The following PTPRN2 variants were observed in gnomAD, a reference collection of about 807,000 sequenced individuals.
The protein encoded by PTPRN2 is protein tyrosine phosphatase receptor type N2, also known as receptor-type tyrosine-protein phosphatase N2.
In PTPRN2, 74 loss-of-function variants were observed where a neutral mutation model predicts 118.8. That is an observed-to-expected ratio of 0.62 (90% CI 0.52 to 0.76). PTPRN2 has a LOEUF of 0.76. PTPRN2 is among the 30% of genes least tolerant of loss of function. PTPRN2 has a pLI of 0.00. For synonymous variants in PTPRN2, 641 were observed against 608.0 expected, an observed-to-expected ratio of 1.05 and a Z score of -0.80; for missense variants, 1,481 against 1,394.4, an observed-to-expected ratio of 1.06 and a Z score of -0.99.
intron 11 of PTPRN2, among the ~76,000 whole-genome samples, chr7:158,018,416 G>T (rs2128873925): frequency 6.6e-6 from 1 of 152,336 alleles, no homozygotes; most frequent in African/African-American, 2.4e-5. Flanking sequence ...ATAAATCCCT[G>T]TTTGTGACGT....
At chr7:157,745,850 G>C (rs1227901907) in intron 12 of PTPRN2, among the ~76,000 whole-genome samples, 1 of 152,112 alleles carries the variant, frequency 6.6e-6, no homozygotes, top group Non-Finnish European at 1.5e-5. Context: ...CCATCACAAA[G>C]CTCCTTCTCT....
intron 1 of PTPRN2, among the ~76,000 whole-genome samples, chr7:158,521,241 A>G (rs1259471756): frequency 6.6e-6 from 1 of 152,206 alleles, no homozygotes; most frequent in Non-Finnish European, 1.5e-5. Flanking sequence ...ACCTGAGGGT[A>G]TGCAGGGCTG....
chr7:158,306,029 C>T (rs989394143), intron 3 of PTPRN2, among the ~76,000 whole-genome samples: 9 of 152,316 alleles, frequency 5.9e-5, no homozygotes, highest in Middle Eastern at 3.4e-3. Flanking sequence ...ATTGTCACTA[C>T]TTGACCTGTC....
Position 157,994,717 on chromosome 7 carries a change from ACGCCGTGTCCC to A in PTPRN2, c.1723+86570_1723+86580del, listed in dbSNP as rs1563310122. Among the ~76,000 whole-genome samples, 38 of 63,664 alleles carry A rather than the reference ACGCCGTGTCCC, an allele frequency of 6.0e-4. 12 individuals carry two copies. Among genetic ancestry groups the A allele is most frequent in the African/African-American group, 2.4e-3 (31 of 13,022 alleles). The allele number at this position is 63,664 out of a possible 152,430, so 41.8% of individuals were successfully genotyped here. A position where few individuals can be genotyped will look rare whatever the true frequency, so the allele number is the denominator to read the frequency against. ...TTACAGCTCCTTGTTCCTAAAATCA[ACGCCGTGTCCC>A]CAGCTTACAACTCCTTGTTCCTAAA... On this transcript the variant is annotated intron_variant, in intron 11 of 22. Coordinates refer to ENST00000389418, the MANE Select transcript of PTPRN2 (RefSeq NM_002847.5).
chr7:157,907,266 G>A (rs1353098236), intron 11 of PTPRN2, among the ~76,000 whole-genome samples: 10 of 152,190 alleles, frequency 6.6e-5, no homozygotes, highest in Admixed American at 5.9e-4. Flanking sequence ...TGGGCACCAC[G>A]GGAACATTTA....
chr7:158,377,102 CCTG>C (rs1158175642), intron 2 of PTPRN2, among the ~76,000 whole-genome samples: 8 of 31,856 alleles, frequency 2.5e-4, no homozygotes, highest in African/African-American at 1.2e-3. Context: ...TGTCACACGT[CCTG>C]AGAGGGGGGT....
chr7:157,758,852 G>A (rs1018277305), intron 12 of PTPRN2, among the ~76,000 whole-genome samples: 2 of 152,174 alleles, frequency 1.3e-5, no homozygotes, highest in South Asian at 2.1e-4. Flanking sequence ...CTCCCGGATG[G>A]AGCCCTGCCT....
chr7:157,796,262 T>C (rs1224464036), intron 12 of PTPRN2, among the ~76,000 whole-genome samples: 2 of 152,212 alleles, frequency 1.3e-5, no homozygotes, highest in Non-Finnish European at 2.9e-5. Context: ...TCTTTCCCGG[T>C]GAACTTTCCC....
At chr7:158,343,111 G>T (rs753718708) in intron 2 of PTPRN2, among the ~76,000 whole-genome samples, 1 of 152,182 alleles carries the variant, frequency 6.6e-6, no homozygotes, top group African/African-American at 2.4e-5. Flanking sequence ...ACTATTAGCA[G>T]CAGGAAAAGG....
At chr7:158,417,888 CATGGTGT>C in intron 2 of PTPRN2, among the ~76,000 whole-genome samples, 1 of 150,362 alleles carries the variant, frequency 6.7e-6, no homozygotes, top group East Asian at 2.0e-4. Context: ...TGTGTTAAGT[CATGGTGT>C]ACTACATCGA....
rs77306391 is a variant in PTPRN2, at chr7:157,869,958, T to C, written c.1788+28715A>G. ...CTTGATCAGTCTGCTGTTGCTTCGA[T>C]GGGACCCCTTCCGCCTCTCGGTAGC... On this transcript the variant is annotated intron_variant, in intron 12 of 22. Coordinates refer to ENST00000389418, the MANE Select transcript of PTPRN2 (RefSeq NM_002847.5). This position sits in a 1 kb window ranked among gnomAD's most constrained non-coding sequence, Gnocchi z 4.2. 4.8e-4 allele frequency among the ~76,000 whole-genome samples: 73 copies of C among 152,310 alleles called. No individual in the cohort carries two copies. The East Asian group carries it at 0.014, about 29-fold the overall frequency.
intron 1 of PTPRN2, among the ~76,000 whole-genome samples, chr7:158,505,873 C>T (rs972906466): frequency 2.0e-5 from 3 of 152,238 alleles, no homozygotes; most frequent in African/African-American, 7.2e-5. Context: ...CTGCCATAAG[C>T]AGGCATCCAG....
intron 12 of PTPRN2, among the ~76,000 whole-genome samples, chr7:157,703,217 G>A (rs962600898): frequency 3.9e-5 from 6 of 152,302 alleles, no homozygotes; most frequent in East Asian, 3.9e-4. Context: ...ACTCCACTCC[G>A]ATGCCTGGAG....
intron 10 of PTPRN2, among the ~76,000 whole-genome samples, chr7:158,109,787 G>C (rs536598904): frequency 6.6e-6 from 1 of 151,194 alleles, no homozygotes; most frequent in African/African-American, 2.4e-5. Flanking sequence ...AGTGAATGAC[G>C]TTACCCCGGT....
chr7:158,263,926 A>T (rs1797709568), intron 3 of PTPRN2, among the ~76,000 whole-genome samples: 1 of 152,146 alleles, frequency 6.6e-6, no homozygotes, highest in Non-Finnish European at 1.5e-5. Context: ...CACCCGCGTC[A>T]CTCAGCAAAC....
rs371144241 is a variant in PTPRN2 at position 158,447,404 on chromosome 7, T to C, written c.163+42331A>G. On this transcript the variant is annotated intron_variant, in intron 2 of 22. Coordinates refer to ENST00000389418, the MANE Select transcript of PTPRN2 (RefSeq NM_002847.5). ...CAAAAAAAAAGAGGAAGGCAGCTAA[T>C]AACCACTACAGAGCACAAGACCCGT... Among the ~76,000 whole-genome samples the C allele has an allele frequency of 2.0e-5, 3 of 152,150 alleles. No homozygotes were observed. The East Asian group carries it at 5.8e-4, about 29-fold the overall frequency.
chr7:157,581,887 A>G (rs573136483), intron 17 of PTPRN2, among the ~76,000 whole-genome samples: 1 of 152,364 alleles, frequency 6.6e-6, no homozygotes, highest in East Asian at 1.9e-4. Flanking sequence ...TCGAGAAGGC[A>G]CAGACACGGA....
At chr7:157,849,368 C>G (rs1053149802) in intron 12 of PTPRN2, among the ~76,000 whole-genome samples, 1 of 152,184 alleles carries the variant, frequency 6.6e-6, no homozygotes, top group Non-Finnish European at 1.5e-5. Context: ...GGGGCCGAGG[C>G]TCATGTGGGT....
chr7:158,342,926 G>A (rs964321638), intron 2 of PTPRN2, among the ~76,000 whole-genome samples: 5 of 152,118 alleles, frequency 3.3e-5, no homozygotes, highest in Non-Finnish European at 4.4e-5. Context: ...GAAGGAGAAC[G>A]GCAGGGTGGA....
Sources: allele counts gnomAD v4.1 joint callset (sites outside exome capture counted in the v4.1 genomes callset), GRCh38; gene constraint gnomAD v4.1.1; non-coding constraint Gnocchi (gnomAD v3.1); transcripts MANE v1.5; gene names NCBI Gene and HGNC (gene_info 2026-07-23, HGNC 2026-07-21).